Variants in NRG1 observed in about 807,000 individuals in gnomAD.
The protein encoded by NRG1 is neuregulin 1.
In NRG1, 18 loss-of-function variants were observed where a neutral mutation model predicts 63.8. That is an observed-to-expected ratio of 0.28 (90% CI 0.19 to 0.42). The LOEUF is 0.42. NRG1 is among the 10% of genes least tolerant of loss of function. The pLI is 1.00. For synonymous variants in NRG1, 302 were observed against 301.3 expected (o/e 1.00, Z -0.02); for missense variants, 762 against 814.7 (o/e 0.94, Z 0.79).
At chr8:31,779,581 C>A (rs1819484883) in intron 1 of NRG1, among the ~76,000 whole-genome samples, 1 of 152,052 alleles carries the variant, frequency 6.6e-6, no homozygotes, top group African/African-American at 2.4e-5. Context: ...ACTTCTGGTC[C>A]AATTTAGTAA....
intron 1 of NRG1, among the ~76,000 whole-genome samples, chr8:32,002,106 C>A (rs547389393): frequency 5.3e-5 from 8 of 152,046 alleles, no homozygotes; most frequent in African/African-American, 1.9e-4. Flanking sequence ...TCACTACAAC[C>A]TCTGCCTCCC....
chr8:31,855,998 G>C (rs1305052595), intron 1 of NRG1, among the ~76,000 whole-genome samples: 65 of 151,392 alleles, frequency 4.3e-4, no homozygotes, highest in Non-Finnish European at 8.7e-4. Context: ...AGTCTGATGG[G>C]CTTCCCTTTG....
chr8:32,685,094 A>G (rs1478501620), intron 5 of NRG1, among the ~76,000 whole-genome samples: 2 of 152,180 alleles, frequency 1.3e-5, no homozygotes, highest in East Asian at 3.9e-4. Flanking sequence ...CATACGGAAT[A>G]TTTTCATCAG....
intron 1 of NRG1, among the ~76,000 whole-genome samples, chr8:32,091,946 CT>C (rs2131277392): frequency 6.6e-6 from 1 of 152,146 alleles, no homozygotes; most frequent in East Asian, 1.9e-4. Context: ...CCCAGTGCTC[CT>C]TCAAACATGC....
intron 5 of NRG1, among the ~76,000 whole-genome samples, chr8:32,653,630 T>C (rs1422790625): frequency 1.3e-5 from 2 of 152,242 alleles, no homozygotes; most frequent in East Asian, 1.9e-4. Flanking sequence ...TCTTCTAGCA[T>C]GTACATAAAG....
chr8:32,557,001 T>G (rs184931678), intron 1 of NRG1, among the ~76,000 whole-genome samples: 155 of 152,126 alleles, frequency 1.0e-3, no homozygotes, highest in African/African-American at 3.7e-3. Context: ...TTGGTTTTTG[T>G]TTTTTGGTTT....
intron 1 of NRG1, among the ~76,000 whole-genome samples, chr8:32,372,638 T>A (rs1417660774): frequency 1.3e-5 from 2 of 152,058 alleles, no homozygotes; most frequent in Admixed American, 6.6e-5. Context: ...TTTTAAAAAA[T>A]TGAATGTAGG....
At chr8:31,916,502 A>G (rs1000860656) in intron 1 of NRG1, among the ~76,000 whole-genome samples, 12 of 152,170 alleles carry the variant, frequency 7.9e-5, no homozygotes, top group African/African-American at 2.6e-4. Context: ...ATGATTTCCA[A>G]TTTCATCCAC....
intron 1 of NRG1, among the ~76,000 whole-genome samples, chr8:32,162,757 T>C (rs889056186): frequency 8.5e-5 from 13 of 152,232 alleles, no homozygotes; most frequent in Middle Eastern, 3.4e-3. Context: ...AAATTTGTGC[T>C]ATCTACTGCT....
chr8:32,705,835 G>A (rs1301385608), intron 5 of NRG1, among the ~76,000 whole-genome samples: 5 of 152,186 alleles, frequency 3.3e-5, no homozygotes, highest in African/African-American at 7.2e-5. Flanking sequence ...CCTACCTGCC[G>A]TTGCAATGAG....
chr8:31,815,666 A>G (rs1475399891), intron 1 of NRG1, among the ~76,000 whole-genome samples: 3 of 152,324 alleles, frequency 2.0e-5, no homozygotes. Flanking sequence ...AGGAATCACC[A>G]TACTGTTTTC....
At chr8:32,261,403 ATCTT>A (rs1850358184) in intron 1 of NRG1, among the ~76,000 whole-genome samples, 1 of 150,760 alleles carries the variant, frequency 6.6e-6, no homozygotes, top group East Asian at 1.9e-4. Flanking sequence ...GTGTGTGTAT[ATCTT>A]TATTTAATAA....
intron 1 of NRG1, among the ~76,000 whole-genome samples, chr8:32,571,492 C>T (rs937514201): frequency 6.6e-6 from 1 of 152,104 alleles, no homozygotes; most frequent in Non-Finnish European, 1.5e-5. Flanking sequence ...TGTCTTCTTC[C>T]TGCTTGGGTC....
At chr8:31,966,263 T>C (rs1806314803) in intron 1 of NRG1, among the ~76,000 whole-genome samples, 1 of 152,206 alleles carries the variant, frequency 6.6e-6, no homozygotes, top group African/African-American at 2.4e-5. Context: ...TCTTACCATG[T>C]AGAAATTTAG....
At chr8:32,514,139 T>A (rs913550389) in intron 1 of NRG1, among the ~76,000 whole-genome samples, 2 of 152,226 alleles carry the variant, frequency 1.3e-5, no homozygotes, top group Non-Finnish European at 1.5e-5. Context: ...AACCTTTTTT[T>A]GTTTGCCAAG....
At chr8:31,671,701 A>G (rs937401055) in intron 1 of NRG1, among the ~76,000 whole-genome samples, 1 of 152,160 alleles carries the variant, frequency 6.6e-6, no homozygotes, top group African/African-American at 2.4e-5. Context: ...TGGTGGCATC[A>G]TGAAAGGAGC....
At chr8:32,305,356 A>T (rs1223000929) in intron 1 of NRG1, among the ~76,000 whole-genome samples, 1 of 152,220 alleles carries the variant, frequency 6.6e-6, no homozygotes, top group Non-Finnish European at 1.5e-5. Context: ...ATTCTAGCAT[A>T]GCATAGAATA....
intron 5 of NRG1, among the ~76,000 whole-genome samples, chr8:32,629,761 T>C (rs1160931531): frequency 6.6e-6 from 1 of 152,200 alleles, no homozygotes; most frequent in Non-Finnish European, 1.5e-5. Flanking sequence ...AATCAGTTTC[T>C]CCTTTGATAG....
intron 1 of NRG1, among the ~76,000 whole-genome samples, chr8:31,941,419 T>A (rs914076798): frequency 2.8e-4 from 42 of 152,144 alleles, no homozygotes; most frequent in Non-Finnish European, 5.6e-4. Flanking sequence ...AAACCATCTA[T>A]GGCAAGCCCA....
Sources: gnomAD v4.1 joint callset for allele counts (sites outside exome capture counted in the v4.1 genomes callset) on GRCh38, gnomAD v4.1.1 for gene constraint, MANE v1.5 for transcripts, NCBI Gene and HGNC (gene_info 2026-07-23, HGNC 2026-07-21) for gene names.